The following RTL4 variants were observed in gnomAD, a reference collection of about 807,000 sequenced individuals.
The protein encoded by RTL4 is retrotransposon Gag-like protein 4.
In RTL4, 4 loss-of-function variants were observed where a neutral mutation model predicts 5.3. The observed-to-expected ratio is 0.75, with a 90% CI of 0.37 to 1.72. The LOEUF is 1.72. RTL4 is among the 40% of genes most tolerant of loss of function. The pLI, the probability that RTL4 is intolerant of heterozygous loss-of-function variation, is 0.04. For missense variants in RTL4, 260 were observed against 227.1 expected, an observed-to-expected ratio of 1.14 and a Z score of -0.93; for synonymous variants, 98 against 87.3, an observed-to-expected ratio of 1.12 and a Z score of -0.68.
At chrX:112,113,518 A>T in the RTL4 span, among the ~76,000 whole-genome samples, 1 of 111,184 alleles carries the variant, frequency 9.0e-6, no homozygotes, top group Admixed American at 9.6e-5. Flanking sequence ...ACACTGAGAA[A>T]GCCATGCCAG....
the RTL4 span, among the ~76,000 whole-genome samples, chrX:112,084,413 G>C: frequency 9.1e-6 from 1 of 110,254 alleles, no homozygotes; most frequent in Non-Finnish European, 1.9e-5. Context: ...GGGGGGAAGG[G>C]AGTTGGGGAG....
At chrX:112,128,531 C>T in the RTL4 span, among the ~76,000 whole-genome samples, 3 of 108,818 alleles carry the variant, frequency 2.8e-5, no homozygotes, top group African/African-American at 1.0e-4. Flanking sequence ...CAGTGGCACG[C>T]GCCTGTAGTC....
exon 1 of RTL4, chrX:112,456,501 A>G: frequency 3.3e-6 from 1 of 303,522 alleles, no homozygotes; most frequent in Non-Finnish European, 6.0e-6. Context: ...AGCCAAGTCA[A>G]TATGCTCTAG....
chrX:112,294,091 T>C, the RTL4 span, among the ~76,000 whole-genome samples: 1 of 112,052 alleles, frequency 8.9e-6, no homozygotes, highest in African/African-American at 3.2e-5. Context: ...ATGAAAAACA[T>C]TGATTCTCTT....
chrX:112,331,900 T>C, the RTL4 span, among the ~76,000 whole-genome samples: 1 of 94,046 alleles, frequency 1.1e-5, no homozygotes, highest in African/African-American at 4.2e-5. Flanking sequence ...CAGTAAACTA[T>C]CACAAGAACA....
At chrX:112,327,407 C>T in the RTL4 span, among the ~76,000 whole-genome samples, 11 of 110,080 alleles carry the variant, frequency 1.0e-4, no homozygotes, top group Non-Finnish European at 1.5e-4. Flanking sequence ...AGGGTATCAG[C>T]GATGGAAGAT....
the RTL4 span, among the ~76,000 whole-genome samples, chrX:112,278,208 A>G: frequency 1.8e-5 from 2 of 112,569 alleles, no homozygotes; most frequent in Middle Eastern, 4.7e-3. Context: ...ATCTGACTTT[A>G]AAATTTCTTC....
chrX:112,187,954 T>C, the RTL4 span, among the ~76,000 whole-genome samples: 1 of 111,922 alleles, frequency 8.9e-6, no homozygotes, highest in African/African-American at 3.2e-5. Context: ...ATGTCTTTAC[T>C]GCCAGTATGG....
the RTL4 span, among the ~76,000 whole-genome samples, chrX:112,241,639 G>T: frequency 8.9e-6 from 1 of 111,986 alleles, no homozygotes; most frequent in African/African-American, 3.2e-5. Flanking sequence ...CTCCCATTCT[G>T]TAGGTTGCCT....
At chrX:112,206,513 T>C in the RTL4 span, among the ~76,000 whole-genome samples, 1 of 111,474 alleles carries the variant, frequency 9.0e-6, no homozygotes, top group African/African-American at 3.3e-5. Context: ...CATGACACCA[T>C]GCTCTCCTGG....
At chrX:112,455,358 T>C (rs904556051) in exon 1 of RTL4, 6 of 1,209,645 alleles carry the variant, frequency 5.0e-6, no homozygotes, top group Admixed American at 4.4e-5. Context: ...ACCTGATCAC[T>C]CAGTGCATTC....
the RTL4 span, among the ~76,000 whole-genome samples, chrX:112,387,828 T>C: frequency 8.9e-6 from 1 of 111,929 alleles, no homozygotes; most frequent in Admixed American, 9.4e-5. Context: ...TATATCCCCA[T>C]AGTATAGTTT....
chrX:112,226,344 A>G, the RTL4 span, among the ~76,000 whole-genome samples: 17 of 112,077 alleles, frequency 1.5e-4, no homozygotes, highest in African/African-American at 5.5e-4. Context: ...GAAGCCTTCC[A>G]TGTATCATCT....
chrX:112,290,018 G>A, the RTL4 span, among the ~76,000 whole-genome samples: 3 of 111,080 alleles, frequency 2.7e-5, no homozygotes. Context: ...GCTGCACTGT[G>A]AACAAGGGTG....
the RTL4 span, among the ~76,000 whole-genome samples, chrX:112,286,667 C>T: frequency 3.0e-4 from 33 of 111,198 alleles, no homozygotes; most frequent in African/African-American, 1.0e-3. Context: ...TACCATCCAT[C>T]CAATTTCAAG....
the RTL4 span, among the ~76,000 whole-genome samples, chrX:112,336,003 T>G: frequency 8.2e-4 from 90 of 109,828 alleles, no homozygotes; most frequent in Non-Finnish European, 1.6e-3. Context: ...CCACCACGCC[T>G]GGCTAATTTT....
the RTL4 span, among the ~76,000 whole-genome samples, chrX:112,091,060 C>T: frequency 1.8e-5 from 2 of 110,920 alleles, 1 homozygote; most frequent in Admixed American, 1.9e-4. Context: ...ATTGTTTTCT[C>T]TTATGATTAT....
chrX:112,341,481 G>A, the RTL4 span, among the ~76,000 whole-genome samples: 1 of 111,542 alleles, frequency 9.0e-6, no homozygotes, highest in African/African-American at 3.3e-5. Flanking sequence ...AGTGGGACCA[G>A]GGGATCAAAT....
At chrX:112,271,197 A>C in the RTL4 span, among the ~76,000 whole-genome samples, 2 of 112,977 alleles carry the variant, frequency 1.8e-5, no homozygotes, top group Non-Finnish European at 3.7e-5. Flanking sequence ...TTCAGAGACA[A>C]ATGGATAGAG....
Sources: gnomAD v4.1 joint callset for allele counts (sites outside exome capture counted in the v4.1 genomes callset) on GRCh38, gnomAD v4.1.1 for gene constraint, MANE v1.5 for transcripts, NCBI Gene and HGNC (gene_info 2026-07-23, HGNC 2026-07-21) for gene names.